Variants in UBR4 observed in about 807,000 individuals in gnomAD.
UBR4 encodes ubiquitin protein ligase E3 component n-recognin 4.
UBR4 carries 124 observed loss-of-function variants against 575.6 expected under a neutral mutation model. That is an observed-to-expected ratio of 0.22 (90% confidence interval 0.19 to 0.25). The LOEUF (loss-of-function observed/expected upper bound fraction) is 0.25, where lower values mean the gene tolerates loss of function less well. Ranked by LOEUF, UBR4 falls within the 10% of genes least tolerant of loss-of-function variation. UBR4 has a pLI of 1.00. For missense variants in UBR4, 4,818 were observed against 6,478.8 expected (o/e 0.74, Z 8.80); for synonymous variants, 2,455 against 2,473.7 (o/e 0.99, Z 0.22).
chr1:19,166,933 A>T, intron 29 of UBR4, 89 bp downstream of exon 29: 1 of 1,407,600 alleles, frequency 7.1e-7, no homozygotes, highest in Non-Finnish European at 1.0e-6. Context: ...ACAATAAGCT[A>T]TTAATGACCT....
rs1407296252 is a variant in UBR4 at position 19,081,570 on chromosome 1, G to C, written c.15012C>G (p.Thr5004=). The change falls in exon 103 of 106, where the codon ACC becomes ACG. Residue 5004 remains threonine, a synonymous_variant. Transcript: ENST00000375254. ...TCTTCTCTTCTCGGGAAGTTGCTCG[G>C]GTTCTAGAAGAAAAGCGGCATGATA... is the stretch of plus-strand genomic sequence containing the variant. ...IHTVLYVLNT[T]RATSREEKNL... is the part of the protein sequence containing the mutation. 5.0e-6 allele frequency: 8 copies of C among 1,613,896 alleles called. No individual in the cohort carries two copies. Among genetic ancestry groups the C allele is most frequent in the Non-Finnish European group, 6.8e-6 (8 of 1,180,020 alleles).
chr1:19,155,022 C>T lies in UBR4; in HGVS notation c.6354G>A (p.Val2118=). 1 of 1,614,184 alleles carries T rather than the reference C, an allele frequency of 6.2e-7. No homozygotes were observed. Among genetic ancestry groups the T allele is most frequent in the African/African-American group, 1.3e-5 (1 of 75,054 alleles). Residue 2118 remains valine (V), a synonymous_variant, in exon 44 of 106, where the codon GTG becomes GTA. Transcript: ENST00000375254. Reference sequence around the variant, plus strand: ...AATAGCTGAAGAACAACATCTGCAACACGTGGGAGTAGTACACGGACACAC... The same window carrying T: ...AATAGCTGAAGAACAACATCTGCAATACGTGGGAGTAGTACACGGACACAC... The part of the protein sequence containing the change: ...GGGVSVYYSH[V]LQMLFFSYCQ...
intron 28 of UBR4, 98 bp downstream of exon 28, chr1:19,167,929 G>A: frequency 7.7e-7 from 1 of 1,296,852 alleles, no homozygotes; most frequent in Admixed American, 2.7e-5. Context: ...AAGTATATAA[G>A]AAAGCATTAC....
chr1:19,116,850 T>C (rs1445167448), intron 73 of UBR4, among the ~76,000 whole-genome samples: 1 of 152,222 alleles, frequency 6.6e-6, no homozygotes, highest in African/African-American at 2.4e-5. Flanking sequence ...AGCATAGCTG[T>C]CTTAATCCAA....
At chr1:19,181,521 C>T (rs2090959556) in intron 17 of UBR4, among the ~76,000 whole-genome samples, 1 of 152,114 alleles carries the variant, frequency 6.6e-6, no homozygotes, top group African/African-American at 2.4e-5. Context: ...GCTCTTCACC[C>T]CATTCAAATA....
rs372246641 is a variant in UBR4, at chr1:19,173,027, A to T, written c.3358T>A (p.Ser1120Thr). Residue 1120 changes from serine (S) to threonine (T), a missense_variant, in exon 25 of 106, where the codon TCC (serine) becomes ACC (threonine). Physicochemically the swap from Ser to Thr is moderately conservative, Grantham distance 58. This residue lies in a region of UBR4 where 1,172 missense variants were observed against 1,259.7 expected (regional missense o/e 0.93). Coordinates refer to ENST00000375254, the MANE Select transcript of UBR4 (RefSeq NM_020765.3). ...LQLHEIPSLQ[S>T]IYTLDAAISK... Reference sequence around the variant, plus strand: ...ATCGCGGCATCAAGGGTGTAGATGGACTGCAGACTGGGAATTTCATGCAGC... The same window carrying T: ...ATCGCGGCATCAAGGGTGTAGATGGTCTGCAGACTGGGAATTTCATGCAGC... 18 of 1,613,812 alleles carry T rather than the reference A, an allele frequency of 1.1e-5. No homozygotes were observed. In the African/African-American group the frequency reaches 2.1e-4, roughly 19 times the overall value.
chr1:19,088,110 T>C lies in UBR4; in HGVS notation c.14431-181A>G, dbSNP rs2077189465. Among the ~76,000 whole-genome samples the C allele has an allele frequency of 6.6e-6, 1 of 152,238 alleles. No homozygotes were observed. Among genetic ancestry groups the C allele is most frequent in the African/African-American group, 2.4e-5 (1 of 41,464 alleles). On this transcript the variant is annotated intron_variant, in intron 98 of 105. Transcript: ENST00000375254. This position sits in a 1 kb window ranked among gnomAD's most constrained non-coding sequence, Gnocchi z 4.0. ...AGACCCAGGCCCTTCTGCTATTCTC[T>C]CTTCCTACAGGAACCACTGAAGCAA...
Position 19,089,063 on chromosome 1 carries a change from C to T in UBR4, c.14212-86G>A, listed in dbSNP as rs2077275373. On this transcript the variant is annotated intron_variant, in intron 97 of 105. Coordinates refer to ENST00000375254, the MANE Select transcript of UBR4 (RefSeq NM_020765.3). This position sits in a 1 kb window ranked among gnomAD's most constrained non-coding sequence, Gnocchi z 4.3. ...GGAGCTTAAAGGTTTAGAAACTCAA[C>T]CAGCATGCACCATCTCATGTCACCT... 4 of 1,304,988 alleles carry T rather than the reference C, an allele frequency of 3.1e-6. No homozygotes were observed. Among genetic ancestry groups the T allele is most frequent in the Admixed American group, 4.0e-5 (2 of 49,816 alleles). The allele number at this position is 1,304,988 out of a possible 1,614,324, so 80.8% of individuals were successfully genotyped here.
chr1:19,149,937 G>A (rs1266211033), intron 49 of UBR4: 2 of 470,322 alleles, frequency 4.3e-6, no homozygotes, highest in Non-Finnish European at 7.2e-6. Context: ...GAGGCTGGTG[G>A]TGGGAGGCAG....
In UBR4 at chr1:19,139,764, G is replaced by A. The variant is rs1051495373; in HGVS notation, c.8594-544C>T. Among the ~76,000 whole-genome samples, 1 of 152,104 alleles carries A rather than the reference G, an allele frequency of 6.6e-6. No individual in the cohort carries two copies. Among genetic ancestry groups the A allele is most frequent in the Non-Finnish European group, 1.5e-5 (1 of 68,018 alleles). On this transcript the variant is annotated intron_variant, in intron 58 of 105. Coordinates refer to ENST00000375254, the MANE Select transcript of UBR4 (RefSeq NM_020765.3). This position sits in a 1 kb window ranked among gnomAD's most constrained non-coding sequence, Gnocchi z 4.2. ...CCCTGTTTTGGTTTTTTTAGCAAGT[G>A]GTCCAGAGGGGAGCTCATTGGGAAA...
chr1:19,173,704 A>C, intron 22 of UBR4, 83 bp from the exon 23 acceptor site: 1 of 1,337,248 alleles, frequency 7.5e-7, no homozygotes, highest in Non-Finnish European at 1.0e-6. Flanking sequence ...TCCAAATACA[A>C]CTTTTAAACC....
intron 104 of UBR4, 70 bp downstream of exon 104, chr1:19,077,906 A>G: frequency 6.2e-7 from 1 of 1,611,720 alleles, no homozygotes; most frequent in Non-Finnish European, 8.5e-7. Flanking sequence ...GCTGAGGCAG[A>G]GTCAGGGACA....
intron 103 of UBR4, 107 bp downstream of exon 103, chr1:19,081,242 C>G: frequency 1.0e-6 from 1 of 965,312 alleles, no homozygotes. Flanking sequence ...TGTCAACCAC[C>G]GCAGTCACAA....
chr1:19,162,069 C>T (rs537462426), intron 35 of UBR4, among the ~76,000 whole-genome samples, 172 bp from the exon 36 acceptor site: 1 of 152,340 alleles, frequency 6.6e-6, no homozygotes, highest in Admixed American at 6.5e-5. Context: ...GTTGTTACTT[C>T]AGGTGAGTGA....
chr1:19,077,284 T>C (rs963362045), intron 104 of UBR4, among the ~76,000 whole-genome samples: 1 of 152,240 alleles, frequency 6.6e-6, no homozygotes, highest in African/African-American at 2.4e-5. Flanking sequence ...AGGAGTGTCC[T>C]GTTATAAGCT....
intron 68 of UBR4, 148 bp downstream of exon 68, chr1:19,121,041 A>C: frequency 8.9e-7 from 1 of 1,119,254 alleles, no homozygotes; most frequent in Non-Finnish European, 1.3e-6. Flanking sequence ...ATTGAAAATG[A>C]GACCAAAAGT....
chr1:19,086,552 C>T, intron 100 of UBR4, 127 bp downstream of exon 100: 1 of 1,375,222 alleles, frequency 7.3e-7, no homozygotes, highest in Non-Finnish European at 1.0e-6. Context: ...TATATGGTGT[C>T]AGGCAGAACA....
rs761907634 is a variant in UBR4 at position 19,100,558 on chromosome 1, T to A, written c.13039A>T (p.Thr4347Ser). The change falls in exon 89 of 106, where the codon ACT becomes TCT. Residue 4347 changes from threonine to serine, a missense_variant. Around this residue, in one of 29 missense-constraint regions of UBR4, gnomAD observed 105 missense variants for 232.8 expected, o/e 0.45. Coordinates refer to ENST00000375254, the MANE Select transcript of UBR4 (RefSeq NM_020765.3). This position sits in a 1 kb window ranked among gnomAD's most constrained non-coding sequence, Gnocchi z 4.2. ...SIIYPEENEV[T>S]EFFVTLEKDP... is the part of the protein sequence containing the mutation. The stretch of plus-strand genomic sequence containing the variant: ...TTCTCCAGGGTCACAAAGAACTCAG[T>A]GACTTCATTCTCCTCCTGGAGGACA... 1.2e-6 allele frequency: 2 copies of A among 1,613,974 alleles called. No homozygotes were observed. The highest frequency in any genetic ancestry group is 2.2e-5 in the South Asian group (2 of 91,080).
Position 19,194,326 on chromosome 1 carries a change from T to G in UBR4, c.1019-769A>C, listed in dbSNP as rs12059675. ...GAACTCTATGAACCTAAAATTGCTT[T>G]AAAAATAAAATCTAAGCCAGGTGTG... On this transcript the variant is annotated intron_variant, in intron 8 of 105. Coordinates refer to ENST00000375254, the MANE Select transcript of UBR4 (RefSeq NM_020765.3). Among the ~76,000 whole-genome samples, 1,345 of 152,262 alleles carry G rather than the reference T, an allele frequency of 8.8e-3. 18 individuals are homozygous for G. The highest frequency in any genetic ancestry group is 0.031 in the African/African-American group (1,268 of 41,534).
Sources: allele counts gnomAD v4.1 joint callset (sites outside exome capture counted in the v4.1 genomes callset), GRCh38; gene constraint gnomAD v4.1.1; regional missense constraint gnomAD v4.1.1; non-coding constraint Gnocchi (gnomAD v3.1); transcripts MANE v1.5; gene names NCBI Gene and HGNC (gene_info 2026-07-23, HGNC 2026-07-21).